Variants in CFAP95 observed in about 807,000 individuals in gnomAD.
The protein encoded by CFAP95 is cilia- and flagella-associated protein 95.
At chr9:69,858,583 T>C in the CFAP95 span, among the ~76,000 whole-genome samples, 1 of 152,174 alleles carries the variant, frequency 6.6e-6, no homozygotes, top group African/African-American at 2.4e-5. Flanking sequence ...TGCAGTGTTG[T>C]TGGTCATAAA....
At chr9:69,897,653 A>G in the CFAP95 span, among the ~76,000 whole-genome samples, 1 of 152,228 alleles carries the variant, frequency 6.6e-6, no homozygotes, top group Non-Finnish European at 1.5e-5. Flanking sequence ...CAGTTGACTA[A>G]GAAGTAGCAT....
At chr9:69,844,084 C>T in the CFAP95 span, among the ~76,000 whole-genome samples, 1 of 152,022 alleles carries the variant, frequency 6.6e-6, no homozygotes, top group Non-Finnish European at 1.5e-5. Flanking sequence ...GGTTATAAAT[C>T]AATATGGGCA....
the CFAP95 span, chr9:69,884,645 C>T: frequency 2.7e-4 from 36 of 134,660 alleles, no homozygotes; most frequent in African/African-American, 9.9e-4. Context: ...TGCCACCGAA[C>T]ATGACAAATA....
the CFAP95 span, among the ~76,000 whole-genome samples, chr9:69,894,242 C>T: frequency 6.6e-6 from 1 of 152,158 alleles, no homozygotes; most frequent in Non-Finnish European, 1.5e-5. Flanking sequence ...TGTCATTCTG[C>T]CAGCTCTAAG....
At chr9:69,881,086 T>G in the CFAP95 span, among the ~76,000 whole-genome samples, 116 of 152,298 alleles carry the variant, frequency 7.6e-4, no homozygotes, top group Non-Finnish European at 1.4e-3. Flanking sequence ...ATGGGTAGTT[T>G]GTAAATATTT....
At chr9:69,875,779 G>A in the CFAP95 span, among the ~76,000 whole-genome samples, 6 of 152,188 alleles carry the variant, frequency 3.9e-5, 2 homozygotes, top group Middle Eastern at 0.017. Flanking sequence ...TCATTACCCA[G>A]TTATAATGTA....
chr9:69,845,995 A>G, the CFAP95 span, among the ~76,000 whole-genome samples: 30,876 of 152,076 alleles, frequency 0.2, 3,360 homozygotes, highest in Non-Finnish European at 0.25. Flanking sequence ...CCCCACAAAC[A>G]CAGCTTCACC....
chr9:69,853,980 T>C, the CFAP95 span, among the ~76,000 whole-genome samples: 2 of 152,216 alleles, frequency 1.3e-5, no homozygotes, highest in Admixed American at 1.3e-4. Context: ...TGCTTAATTG[T>C]CCAGAACCAG....
At chr9:69,886,982 A>G in the CFAP95 span, 1 of 973,888 alleles carries the variant, frequency 1.0e-6, no homozygotes, top group Non-Finnish European at 1.6e-6. Context: ...GGAAGAAAGG[A>G]GAAATTGCTA....
the CFAP95 span, among the ~76,000 whole-genome samples, chr9:69,857,264 G>T: frequency 2.0e-5 from 3 of 152,180 alleles, no homozygotes; most frequent in African/African-American, 7.2e-5. Context: ...CAGGAATAGA[G>T]AGTTCTTTGA....
At chr9:69,874,944 G>A in the CFAP95 span, among the ~76,000 whole-genome samples, 1 of 152,128 alleles carries the variant, frequency 6.6e-6, no homozygotes, top group Admixed American at 6.5e-5. Context: ...AGAACCAGGG[G>A]GATCTGTTTG....
At chr9:69,847,666 C>T in the CFAP95 span, among the ~76,000 whole-genome samples, 1 of 152,152 alleles carries the variant, frequency 6.6e-6, no homozygotes, top group African/African-American at 2.4e-5. Flanking sequence ...TGAATTATGT[C>T]CACACACATG....
At chr9:69,883,446 T>C in the CFAP95 span, among the ~76,000 whole-genome samples, 1 of 152,200 alleles carries the variant, frequency 6.6e-6, no homozygotes, top group Admixed American at 6.5e-5. Context: ...ATGTCATTTG[T>C]GGTTTATGAA....
At chr9:69,854,824 T>G in the CFAP95 span, among the ~76,000 whole-genome samples, 2 of 152,218 alleles carry the variant, frequency 1.3e-5, no homozygotes, top group African/African-American at 4.8e-5. Flanking sequence ...GTTTCTGTTA[T>G]GAAAGATACA....
chr9:69,830,897 C>T, the CFAP95 span, among the ~76,000 whole-genome samples: 4 of 152,226 alleles, frequency 2.6e-5, no homozygotes, highest in East Asian at 1.9e-4. Context: ...TGGTCTAAAG[C>T]GATCCTCCAA....
the CFAP95 span, among the ~76,000 whole-genome samples, chr9:69,856,920 G>GTTTTTTTTT: frequency 7.9e-6 from 1 of 125,938 alleles, no homozygotes; most frequent in Non-Finnish European, 1.6e-5. Flanking sequence ...CTTTATATGT[G>GTTTTTTTTT]TTTTTTTTTT....
At chr9:69,829,786 GA>G in the CFAP95 span, among the ~76,000 whole-genome samples, 1 of 152,210 alleles carries the variant, frequency 6.6e-6, no homozygotes, top group South Asian at 2.1e-4. Context: ...TTCACACTGA[GA>G]AGCCCAGACT....
the CFAP95 span, among the ~76,000 whole-genome samples, chr9:69,880,682 G>A: frequency 6.6e-6 from 1 of 152,184 alleles, no homozygotes; most frequent in Non-Finnish European, 1.5e-5. Flanking sequence ...ACCCAGCAGT[G>A]GGATTGCTGC....
At chr9:69,896,066 C>A in the CFAP95 span, among the ~76,000 whole-genome samples, 1 of 152,122 alleles carries the variant, frequency 6.6e-6, no homozygotes, top group African/African-American at 2.4e-5. Flanking sequence ...TCTTCAGTTT[C>A]TACAGTGAAC....
Sources: gnomAD v4.1 joint callset for allele counts (sites outside exome capture counted in the v4.1 genomes callset) on GRCh38, gnomAD v4.1.1 for gene constraint, MANE v1.5 for transcripts, NCBI Gene and HGNC (gene_info 2026-07-23, HGNC 2026-07-21) for gene names.